Variants in PARVA observed in about 807,000 individuals in gnomAD.
PARVA encodes alpha-parvin.
Under a neutral mutation model 52.6 loss-of-function variants are expected in PARVA, and 25 were observed. That is an observed-to-expected ratio of 0.48 (90% CI 0.35 to 0.66). The LOEUF (loss-of-function observed/expected upper bound fraction) is 0.66, where lower values mean the gene tolerates loss of function less well. PARVA is among the 30% of genes least tolerant of loss of function. The probability of loss-of-function intolerance (pLI) is 0.01; values close to 1 mark genes in which losing one functional copy is unlikely to be tolerated. For missense variants in PARVA, 373 were observed against 450.9 expected (o/e 0.83, Z 1.56); for synonymous variants, 185 against 179.1 (o/e 1.03, Z -0.26).
At chr11:12,377,551 G>A (rs748930807), upstream of PARVA, 2 of 1,480,920 alleles carry the variant, frequency 1.4e-6, no homozygotes, top group Non-Finnish European at 1.8e-6. Context: ...TTCCGCTTCC[G>A]TTTGGAAAGC....
At chr11:12,434,664 T>A (rs1940363206) in intron 1 of PARVA, among the ~76,000 whole-genome samples, 1 of 152,170 alleles carries the variant, frequency 6.6e-6, no homozygotes, top group African/African-American at 2.4e-5. Flanking sequence ...GAAGACTTGC[T>A]CTCAGCCTCT....
At chr11:12,450,739 G>T (rs959672086) in intron 1 of PARVA, among the ~76,000 whole-genome samples, 1 of 152,174 alleles carries the variant, frequency 6.6e-6, no homozygotes, top group East Asian at 1.9e-4. Flanking sequence ...CAAACCACTC[G>T]TGGAAGTCCA....
intron 1 of PARVA, among the ~76,000 whole-genome samples, chr11:12,398,081 G>C (rs1484043932): frequency 6.6e-6 from 1 of 152,124 alleles, no homozygotes; most frequent in Non-Finnish European, 1.5e-5. Flanking sequence ...AGGGAGAGAT[G>C]GGAGTTGTTA....
intron 12 of PARVA, among the ~76,000 whole-genome samples, chr11:12,525,244 T>C (rs1941685736): frequency 6.6e-6 from 1 of 152,182 alleles, no homozygotes; most frequent in South Asian, 2.1e-4. Context: ...CCATACAAGC[T>C]GTGAGCTACA....
chr11:12,454,197 A>C (rs1345685135), intron 1 of PARVA, among the ~76,000 whole-genome samples: 1 of 152,164 alleles, frequency 6.6e-6, no homozygotes, highest in Non-Finnish European at 1.5e-5. Context: ...GAAGGTGGTG[A>C]GAGGACCCTG....
intron 4 of PARVA, among the ~76,000 whole-genome samples, chr11:12,488,187 T>C (rs1941186712): frequency 6.6e-6 from 1 of 152,174 alleles, no homozygotes; most frequent in Non-Finnish European, 1.5e-5. Context: ...TAGGGACAAA[T>C]GAGAAATAAT....
chr11:12,490,824 G>A lies in PARVA; in HGVS notation c.401-5634G>A, dbSNP rs370333405. On this transcript the variant is annotated intron_variant, in intron 4 of 12. Coordinates refer to ENST00000334956, the MANE Select transcript of PARVA (RefSeq NM_018222.5). ...CAGGAATTATGTAATTGGAGTCAAC[G>A]CGTGCTGAGGTCTTTGTATTGTTTA... 3.6e-3 allele frequency among the ~76,000 whole-genome samples: 555 copies of A among 152,228 alleles called. 2 individuals are homozygous for A. The highest frequency in any genetic ancestry group is 5.2e-3 in the Non-Finnish European group (356 of 68,008).
At chr11:12,518,404 G>T in intron 11 of PARVA, 41 bp from the exon 12 acceptor site, 2 of 1,505,514 alleles carry the variant, frequency 1.3e-6, no homozygotes, top group Admixed American at 1.7e-5. Flanking sequence ...TGGGGCTCCT[G>T]GGTGTGCAAT....
At position 12,509,372 on chromosome 11, in the gene PARVA, C is replaced by T. The variant is rs949226004; in HGVS notation, c.716+730C>T. On this transcript the variant is annotated intron_variant, in intron 7 of 12. Coordinates refer to ENST00000334956, the MANE Select transcript of PARVA (RefSeq NM_018222.5). Reference sequence around the variant, plus strand: ...GTTCAAATACAGGCTCTGCCACTTACTCACCAGGTGAGTCCCTTAACCTCT... The same window carrying T: ...GTTCAAATACAGGCTCTGCCACTTATTCACCAGGTGAGTCCCTTAACCTCT... 5.3e-5 allele frequency among the ~76,000 whole-genome samples: 8 copies of T among 152,344 alleles called. No homozygotes were observed. In the East Asian group the frequency reaches 1.5e-3, roughly 29 times the overall value.
rs532661981 is a variant in PARVA, at chr11:12,508,443, T to TC, written c.658-139dup. 1.1e-3 allele frequency: 756 copies of TC among 682,882 alleles called. 7 individuals are homozygous for TC. The African/African-American group carries it at 0.012, about 11-fold the overall frequency. 42.3% of individuals were successfully genotyped at this position (682,882 alleles called of 1,614,324 possible). A position where few individuals can be genotyped will look rare whatever the true frequency, so the allele number is the denominator to read the frequency against. On this transcript the variant is annotated intron_variant, in intron 6 of 12. Transcript: ENST00000334956. Reference sequence around the variant, plus strand: ...CTGAAAATCAGGACCTCCTTTCACTTCCAGCATTATCTTATCTTGGGTGCA... The same window carrying TC: ...CTGAAAATCAGGACCTCCTTTCACTTCCCAGCATTATCTTATCTTGGGTGCA...
intron 1 of PARVA, among the ~76,000 whole-genome samples, chr11:12,468,371 T>C: frequency 6.6e-6 from 1 of 152,242 alleles, no homozygotes; most frequent in African/African-American, 2.4e-5. Context: ...TAGAGACCTC[T>C]GTCTATTCTC....
chr11:12,440,339 C>T (rs1196792705), intron 1 of PARVA, among the ~76,000 whole-genome samples: 3 of 152,132 alleles, frequency 2.0e-5, no homozygotes, highest in African/African-American at 7.2e-5. Context: ...AAAAGAGAAG[C>T]TAAGGGGGAG....
At chr11:12,497,678 G>A (rs1471441530) in intron 5 of PARVA, among the ~76,000 whole-genome samples, 1 of 152,182 alleles carries the variant, frequency 6.6e-6, no homozygotes, top group Non-Finnish European at 1.5e-5. Flanking sequence ...GGAGACACCT[G>A]AGGGCAGGAG....
intron 5 of PARVA, among the ~76,000 whole-genome samples, chr11:12,498,432 A>G (rs1941325925): frequency 1.3e-5 from 2 of 152,158 alleles, no homozygotes; most frequent in Admixed American, 6.6e-5. Flanking sequence ...TTACGGGGAA[A>G]TGTGTGCAAG....
chr11:12,496,855 G>C (rs556463732), intron 5 of PARVA, among the ~76,000 whole-genome samples: 3 of 152,312 alleles, frequency 2.0e-5, no homozygotes, highest in African/African-American at 7.2e-5. Flanking sequence ...CGTGAAATGG[G>C]GAAGGGAAGG....
chr11:12,461,603 T>C (rs1195402510), intron 1 of PARVA, among the ~76,000 whole-genome samples: 3 of 152,214 alleles, frequency 2.0e-5, no homozygotes, highest in Non-Finnish European at 4.4e-5. Flanking sequence ...TCAACTCAAA[T>C]TGTTTCGACT....
At chr11:12,522,682 G>T (rs1324318367) in intron 12 of PARVA, among the ~76,000 whole-genome samples, 4 of 151,932 alleles carry the variant, frequency 2.6e-5, no homozygotes, top group African/African-American at 9.7e-5. Flanking sequence ...GCTTCCCAAA[G>T]TGCTGGGATT....
Position 12,532,262 on chromosome 11 carries a change from A to G in PARVA, c.*4337A>G, listed in dbSNP as rs1482746824. ...AGGATATTAGTAAATGTTAGATGAA[A>G]AAAAAAGTCACGTTTAAATATGTTT... On this transcript the variant is annotated 3_prime_UTR_variant, in exon 13 of 13. Transcript: ENST00000334956. Among the ~76,000 whole-genome samples, 2 of 152,232 alleles carry G rather than the reference A, an allele frequency of 1.3e-5. No homozygotes were observed. Among genetic ancestry groups the G allele is most frequent in the Non-Finnish European group, 2.9e-5 (2 of 68,040 alleles).
chr11:12,444,351 CA>C (rs1261872249), intron 1 of PARVA, among the ~76,000 whole-genome samples: 2 of 152,186 alleles, frequency 1.3e-5, no homozygotes, highest in African/African-American at 4.8e-5. Flanking sequence ...AGGGCCAGAA[CA>C]GGCAGCTTAG....
Sources: allele counts gnomAD v4.1 joint callset (sites outside exome capture counted in the v4.1 genomes callset), GRCh38; gene constraint gnomAD v4.1.1; transcripts MANE v1.5; gene names NCBI Gene and HGNC (gene_info 2026-07-23, HGNC 2026-07-21).